The following COL24A1 variants were observed in gnomAD, a reference collection of about 807,000 sequenced individuals.
The protein encoded by COL24A1 is collagen type XXIV alpha 1 chain.
A neutral mutation model predicts 253.9 loss-of-function variants in COL24A1; 224 were observed. The ratio of observed to expected loss-of-function variants is 0.88; its 90% CI spans 0.79 to 0.99. COL24A1 has a LOEUF of 0.99. Ranked by LOEUF, COL24A1 falls within the 50% of genes least tolerant of loss-of-function variation. The pLI is 0.00. For missense variants in COL24A1, 2,131 were observed against 2,068.5 expected, an observed-to-expected ratio of 1.03 and a Z score of -0.59; for synonymous variants, 685 against 673.7, an observed-to-expected ratio of 1.02 and a Z score of -0.26.
At chr1:86,077,666 A>T (rs1052836272) in intron 7 of COL24A1, among the ~76,000 whole-genome samples, 6 of 152,210 alleles carry the variant, frequency 3.9e-5, no homozygotes, top group African/African-American at 1.4e-4. Flanking sequence ...CCATAAAAAA[A>T]GATGAGTCCA....
chr1:85,858,836 C>T (rs1570946273), intron 37 of COL24A1, among the ~76,000 whole-genome samples: 1 of 151,922 alleles, frequency 6.6e-6, no homozygotes, highest in Non-Finnish European at 1.5e-5. Context: ...GACCTTCCAG[C>T]AATCTCAAGC....
chr1:86,042,887 C>T (rs572508282), intron 12 of COL24A1, among the ~76,000 whole-genome samples: 3 of 152,206 alleles, frequency 2.0e-5, no homozygotes, highest in East Asian at 1.9e-4. Context: ...AATATAAGTA[C>T]TATTTTTGCA....
chr1:85,904,953 G>C (rs1196744887), intron 28 of COL24A1, among the ~76,000 whole-genome samples: 2 of 152,114 alleles, frequency 1.3e-5, no homozygotes, highest in Admixed American at 1.3e-4. Flanking sequence ...TGGATGGATG[G>C]GCAGGAGAGA....
intron 55 of COL24A1, among the ~76,000 whole-genome samples, chr1:85,758,286 ACTT>A (rs34406286): frequency 0.89 from 135,128 of 151,856 alleles, 60,906 homozygotes; most frequent in Non-Finnish European, 0.97. Context: ...AGCAGCAGCC[ACTT>A]CTTAATTCAC....
intron 5 of COL24A1, among the ~76,000 whole-genome samples, chr1:86,097,449 CCCCTCCTCTTCCTCCCTCCTCCTCCT>C (rs1703995591): frequency 2.0e-5 from 2 of 98,182 alleles, no homozygotes; most frequent in African/African-American, 7.9e-5. Flanking sequence ...CTCCTCCTCC[CCCCTCCTCTTCCTCCCTCCTCCTCCT>C]CCCTCCTCCT....
chr1:86,143,617 T>C (rs1651463872), intron 2 of COL24A1, among the ~76,000 whole-genome samples: 1 of 151,952 alleles, frequency 6.6e-6, no homozygotes, highest in South Asian at 2.1e-4. Flanking sequence ...TCATTAATAA[T>C]AGGAAGTCAA....
At chr1:85,896,595 CGCCATTCTCCT>C (rs947516468) in intron 28 of COL24A1, among the ~76,000 whole-genome samples, 186 bp from the exon 29 acceptor site, 2 of 151,878 alleles carry the variant, frequency 1.3e-5, no homozygotes, top group African/African-American at 4.8e-5. Context: ...CCCAGGTTCA[CGCCATTCTCCT>C]GCCTCAGCCT....
At chr1:86,111,173 A>G (rs2102146519) in intron 5 of COL24A1, among the ~76,000 whole-genome samples, 1 of 149,032 alleles carries the variant, frequency 6.7e-6, no homozygotes, top group Non-Finnish European at 1.5e-5. Flanking sequence ...TAGCTAGAGG[A>G]TTGTAAATGC....
chr1:86,072,694 C>A (rs564898000), intron 7 of COL24A1, among the ~76,000 whole-genome samples: 1 of 152,272 alleles, frequency 6.6e-6, no homozygotes, highest in South Asian at 2.1e-4. Context: ...GATTGGGAGA[C>A]ACCTCCCAGC....
chr1:85,744,228 T>C (rs1160110688), intron 57 of COL24A1, among the ~76,000 whole-genome samples: 1 of 152,010 alleles, frequency 6.6e-6, no homozygotes, highest in Non-Finnish European at 1.5e-5. Context: ...ACCGCTCCCA[T>C]CTTCATGGTC....
At chr1:86,024,889 T>C (rs1278713959) in intron 14 of COL24A1, among the ~76,000 whole-genome samples, 1 of 152,208 alleles carries the variant, frequency 6.6e-6, no homozygotes, top group Non-Finnish European at 1.5e-5. Flanking sequence ...AATAATATTC[T>C]TAACTTTTTT....
intron 47 of COL24A1, among the ~76,000 whole-genome samples, chr1:85,807,218 C>A (rs1158457890): frequency 6.6e-6 from 1 of 152,162 alleles, no homozygotes; most frequent in East Asian, 1.9e-4. Flanking sequence ...TATAACTTCC[C>A]TCACAATAGA....
chr1:86,048,664 G>C lies in COL24A1; in HGVS notation c.1905+1460C>G, dbSNP rs561980502. ...CACCACCAGGCCCGGCTAATTTTTT[G>C]TATTTTTAGTAGAGATGGGGTTTCA... On this transcript the variant is annotated intron_variant, in intron 11 of 59. Transcript: ENST00000370571. Among the ~76,000 whole-genome samples the C allele has an allele frequency of 2.0e-5, 3 of 152,070 alleles. No individual in the cohort carries two copies. In the South Asian group the frequency reaches 6.2e-4, roughly 32 times the overall value.
intron 57 of COL24A1, among the ~76,000 whole-genome samples, chr1:85,738,225 C>T (rs558600659): frequency 2.2e-4 from 33 of 151,932 alleles, no homozygotes; most frequent in South Asian, 1.9e-3. Context: ...GTGTTTCAAA[C>T]GAACATTTTG....
intron 2 of COL24A1, among the ~76,000 whole-genome samples, chr1:86,143,307 A>G (rs1651416968): frequency 6.6e-6 from 1 of 152,196 alleles, no homozygotes; most frequent in Admixed American, 6.5e-5. Context: ...TGCAGAAGGA[A>G]TATCTCCAAG....
intron 4 of COL24A1, among the ~76,000 whole-genome samples, chr1:86,114,167 A>ATT (rs1705896064): frequency 6.6e-6 from 1 of 152,200 alleles, no homozygotes; most frequent in African/African-American, 2.4e-5. Flanking sequence ...TAAAGTTGCA[A>ATT]CTTTTAAGTT....
intron 24 of COL24A1, among the ~76,000 whole-genome samples, chr1:85,927,583 G>C (rs1447602453): frequency 4.2e-4 from 49 of 117,340 alleles, no homozygotes; most frequent in African/African-American, 1.6e-3. Context: ...GCCCACCACA[G>C]CTCAAGGAGG....
intron 45 of COL24A1, among the ~76,000 whole-genome samples, chr1:85,822,708 A>G (rs1402163798): frequency 6.6e-6 from 1 of 152,172 alleles, no homozygotes; most frequent in Non-Finnish European, 1.5e-5. Context: ...GAACCTTCTA[A>G]GCCCTCCGTG....
intron 19 of COL24A1, among the ~76,000 whole-genome samples, chr1:85,999,411 T>C (rs535494267): frequency 2.6e-4 from 39 of 152,170 alleles, no homozygotes; most frequent in Non-Finnish European, 1.8e-4. Context: ...GATAGGCAGA[T>C]AGCTTGACTA....
Sources: allele counts gnomAD v4.1 joint callset (sites outside exome capture counted in the v4.1 genomes callset), GRCh38; gene constraint gnomAD v4.1.1; transcripts MANE v1.5; gene names NCBI Gene and HGNC (gene_info 2026-07-23, HGNC 2026-07-21).